The following CA3 variants were observed in gnomAD, a reference collection of about 807,000 sequenced individuals.
The protein encoded by CA3 is carbonic anhydrase 3, also known as CA-III.
Under a neutral mutation model 35.7 loss-of-function variants are expected in CA3, and 30 were observed. The observed-to-expected ratio is 0.84, with a 90% CI of 0.63 to 1.14. The LOEUF is 1.14. CA3 is among the 50% of genes most tolerant of loss of function. The pLI is 0.00. For synonymous variants in CA3, 131 were observed against 130.8 expected (o/e 1.00, Z -0.01); for missense variants, 295 against 328.5 (o/e 0.90, Z 0.79).
intron 2 of CA3, among the ~76,000 whole-genome samples, chr8:85,441,488 G>T (rs1811205880): frequency 6.6e-6 from 1 of 152,234 alleles, no homozygotes; most frequent in Non-Finnish European, 1.5e-5. Context: ...GTAGTTGGAA[G>T]CAACACGTGG....
At chr8:85,443,143 T>G (rs1811231018) in intron 3 of CA3, among the ~76,000 whole-genome samples, 1 of 152,216 alleles carries the variant, frequency 6.6e-6, no homozygotes, top group Non-Finnish European at 1.5e-5. Context: ...CACGTAGAGA[T>G]ATGTGTACAC....
At chr8:85,445,559 G>T (rs988393443) in intron 5 of CA3, among the ~76,000 whole-genome samples, 28 of 151,118 alleles carry the variant, frequency 1.9e-4, no homozygotes, top group African/African-American at 6.8e-4. Context: ...ATATATGCAT[G>T]CATACCATCA....
At chr8:85,440,720 T>C (rs1034727024) in intron 2 of CA3, among the ~76,000 whole-genome samples, 4 of 152,198 alleles carry the variant, frequency 2.6e-5, no homozygotes, top group African/African-American at 9.6e-5. Context: ...TAAAGTTATA[T>C]TTATTGATAT....
At chr8:85,446,780 G>T (rs1446207076) in intron 6 of CA3, among the ~76,000 whole-genome samples, 4 of 152,208 alleles carry the variant, frequency 2.6e-5, no homozygotes, top group African/African-American at 9.6e-5. Flanking sequence ...ACAGCCAAGT[G>T]CAGGATTCTA....
intron 3 of CA3, among the ~76,000 whole-genome samples, chr8:85,442,742 T>C (rs572620145): frequency 1.3e-5 from 2 of 152,098 alleles, no homozygotes; most frequent in African/African-American, 4.8e-5. Flanking sequence ...AAGTTAGAAA[T>C]TGGATAGCTA....
chr8:85,442,311 A>T, intron 3 of CA3, 120 bp downstream of exon 3: 1 of 705,508 alleles, frequency 1.4e-6, no homozygotes, highest in Admixed American at 2.0e-5. Context: ...ATAGTTATGA[A>T]AAGAGCTGTA....
intron 6 of CA3, among the ~76,000 whole-genome samples, chr8:85,447,636 G>A (rs1196598084): frequency 6.6e-6 from 1 of 152,208 alleles, no homozygotes; most frequent in African/African-American, 2.4e-5. Flanking sequence ...ATGGCTTAAC[G>A]CCTGTAATCC....
At position 85,439,754 on chromosome 8, in the gene CA3, A is replaced by G; in HGVS notation, c.77A>G (p.Glu26Gly). Residue 26 changes from glutamate to glycine, a missense_variant, in exon 2 of 7, where the codon GAA (glutamate) becomes GGA (glycine). By Grantham distance (98) the Glu-to-Gly change is moderately conservative (BLOSUM62 -2). Transcript: ENST00000285381. The stretch of plus-strand genomic sequence containing the variant: ...GAACTTTTCCCAAATGCCAAGGGGG[A>G]AAACCAGTCGCCCGTTGAGCTGCAT... ...WHELFPNAKGENQSPVELHTK... is the reference protein window; with the variant it reads ...WHELFPNAKGGNQSPVELHTK... 1 of 1,613,972 alleles carries G rather than the reference A, an allele frequency of 6.2e-7. No individual in the cohort carries two copies. Among genetic ancestry groups the G allele is most frequent in the Non-Finnish European group, 8.5e-7 (1 of 1,179,924 alleles).
Position 85,442,165 on chromosome 8 carries a change from G to A in CA3, c.325G>A (p.Val109Met), listed in dbSNP as rs762509781. ...GGATGATCATGGCTCTGAGCACACC[G>A]TGGATGGAGTCAAGTATGCAGCGGA... Reference protein sequence around the residue: ...SSDDHGSEHTVDGVKYAAELH... With the variant: ...SSDDHGSEHTMDGVKYAAELH... Residue 109 changes from valine (V) to methionine (M), a missense_variant, in exon 3 of 7, where the codon GTG becomes ATG. Coordinates refer to ENST00000285381, the MANE Select transcript of CA3 (RefSeq NM_005181.4). 7.6e-5 allele frequency: 121 copies of A among 1,600,378 alleles called. 1 individual carries two copies. The highest frequency in any genetic ancestry group is 1.0e-4 in the Admixed American group (6 of 59,980).
intron 2 of CA3, chr8:85,441,830 G>T: frequency 2.1e-6 from 1 of 477,920 alleles, no homozygotes; most frequent in Non-Finnish European, 3.8e-6. Context: ...ATGTTAAAAT[G>T]ATGTTTCAAT....
Position 85,442,197 on chromosome 8 carries a change from A to G in CA3, c.351+6A>G. ...GAGTCAAGTATGCAGCGGAGGTAAG[A>G]GGAACTGCCATAATCCATTCTCGGT... On this transcript the variant is annotated splice_donor_region_variant and intron_variant, in intron 3 of 6. Transcript: ENST00000285381. 1.4e-6 allele frequency: 2 copies of G among 1,397,544 alleles called. No individual in the cohort carries two copies. The highest frequency in any genetic ancestry group is 2.0e-6 in the Non-Finnish European group (2 of 982,182). 86.6% of individuals were successfully genotyped at this position (1,397,544 alleles called of 1,614,324 possible). A position where few individuals can be genotyped will look rare whatever the true frequency, so the allele number is the denominator to read the frequency against.
In CA3 at chr8:85,446,282, C is replaced by G; in HGVS notation, c.648C>G (p.Thr216=). Residue 216 remains threonine (T), a synonymous_variant, in exon 6 of 7, where the codon ACC becomes ACG. Transcript: ENST00000285381. ...GGCTGCTGCTGAAGGAGCCCATGAC[C>G]GTGAGCTCTGACCAGGTGAGCAGCC... The part of the protein sequence containing the change: ...IVWLLLKEPM[T]VSSDQMAKLR... 1 of 1,613,578 alleles carries G rather than the reference C, an allele frequency of 6.2e-7. No homozygotes were observed. Among genetic ancestry groups the G allele is most frequent in the South Asian group, 1.1e-5 (1 of 91,002 alleles).
chr8:85,440,613 T>C (rs1811195014), intron 2 of CA3, among the ~76,000 whole-genome samples: 1 of 152,214 alleles, frequency 6.6e-6, no homozygotes, highest in African/African-American at 2.4e-5. Flanking sequence ...TAGTCAGAAA[T>C]ACTTTATTTC....
In CA3 at chr8:85,448,060, C is replaced by T; in HGVS notation, c.690C>T (p.Ser230=). 6.2e-7 allele frequency: 1 copy of T among 1,613,330 alleles called. No individual in the cohort carries two copies. Among genetic ancestry groups the T allele is most frequent in the Non-Finnish European group, 8.5e-7 (1 of 1,179,680 alleles). Reference sequence around the variant, plus strand: ...TGGCCAAGCTGCGGAGCCTCCTCTCCAGTGCTGAGAACGAGCCCCCAGTGC... The same window carrying T: ...TGGCCAAGCTGCGGAGCCTCCTCTCTAGTGCTGAGAACGAGCCCCCAGTGC... ...DQMAKLRSLL[S]SAENEPPVPL... The change falls in exon 7 of 7, where the codon TCC becomes TCT. Residue 230 remains serine (S), a synonymous_variant. Transcript: ENST00000285381.
intron 1 of CA3, 81 bp from the exon 2 acceptor site, chr8:85,439,631 T>C: frequency 1.1e-6 from 1 of 940,096 alleles, no homozygotes; most frequent in South Asian, 1.5e-5. Flanking sequence ...AGCCTCTCTG[T>C]ATTTTGCTGG....
chr8:85,439,986 AC>A, intron 2 of CA3, 77 bp downstream of exon 2: 1 of 1,113,282 alleles, frequency 9.0e-7, no homozygotes, highest in South Asian at 1.3e-5. Context: ...ATGACACAGT[AC>A]CAGAATTAAT....
chr8:85,448,003 C>G (rs377409266), intron 6 of CA3, 31 bp from the exon 7 acceptor site: 1 of 1,597,016 alleles, frequency 6.3e-7, no homozygotes. Flanking sequence ...ATCCGAATGT[C>G]TTGTTAACAG....
At chr8:85,440,940 A>G (rs920279800) in intron 2 of CA3, among the ~76,000 whole-genome samples, 7 of 152,224 alleles carry the variant, frequency 4.6e-5, no homozygotes, top group Non-Finnish European at 5.9e-5. Flanking sequence ...GTTGAACCAT[A>G]TGAAAATGCC....
Position 85,439,927 on chromosome 8 carries a change from G to A in CA3, c.232+18G>A. 3 of 1,584,168 alleles carry A rather than the reference G, an allele frequency of 1.9e-6. No individual in the cohort carries two copies. Among genetic ancestry groups the A allele is most frequent in the East Asian group, 4.5e-5 (2 of 44,588 alleles). On this transcript the variant is annotated intron_variant, in intron 2 of 6. Coordinates refer to ENST00000285381, the MANE Select transcript of CA3 (RefSeq NM_005181.4). ...TAGGTCAAGTAAGTATGACAATGAG[G>A]TAGAATCACATGGATGTTTTCAAGG...
Sources: gnomAD v4.1 joint callset for allele counts (sites outside exome capture counted in the v4.1 genomes callset) on GRCh38, gnomAD v4.1.1 for gene constraint, MANE v1.5 for transcripts, NCBI Gene and HGNC (gene_info 2026-07-23, HGNC 2026-07-21) for gene names.